SORCS1: variants seen among roughly 807,000 people sequenced by gnomAD.
The protein encoded by SORCS1 is VPS10 domain-containing receptor SorCS1.
Under a neutral mutation model 146.1 loss-of-function variants are expected in SORCS1, and 60 were observed. That is an observed-to-expected ratio of 0.41 (90% confidence interval 0.33 to 0.51). SORCS1 has a LOEUF of 0.51. Ranked by LOEUF, SORCS1 falls within the 20% of genes least tolerant of loss-of-function variation. The pLI, the probability that SORCS1 is intolerant of heterozygous loss-of-function variation, is 0.21. For missense variants in SORCS1, 1,352 were observed against 1,487.6 expected, an observed-to-expected ratio of 0.91 and a Z score of 1.50; for synonymous variants, 637 against 584.0, an observed-to-expected ratio of 1.09 and a Z score of -1.31.
chr10:107,027,845 G>A (rs1420103299), intron 1 of SORCS1, among the ~76,000 whole-genome samples: 4 of 152,180 alleles, frequency 2.6e-5, no homozygotes, highest in African/African-American at 7.2e-5. Context: ...CCCTACCACT[G>A]TATCACAATT....
intron 2 of SORCS1, among the ~76,000 whole-genome samples, chr10:106,871,787 T>A (rs1046704115): frequency 1.3e-5 from 2 of 152,076 alleles, no homozygotes; most frequent in Non-Finnish European, 2.9e-5. Flanking sequence ...AAACAACAAT[T>A]GCCTACTTGG....
At chr10:106,640,400 T>C (rs1325674229) in intron 18 of SORCS1, among the ~76,000 whole-genome samples, 1 of 152,250 alleles carries the variant, frequency 6.6e-6, no homozygotes, top group African/African-American at 2.4e-5. Flanking sequence ...TCAGTCTTTG[T>C]ATGTAAATTG....
chr10:107,035,290 A>G (rs977591264), intron 1 of SORCS1, among the ~76,000 whole-genome samples: 1 of 149,666 alleles, frequency 6.7e-6, no homozygotes. Flanking sequence ...AAAAAAAAAA[A>G]CACAGAAAAA....
intron 1 of SORCS1, among the ~76,000 whole-genome samples, chr10:107,115,011 A>G (rs1009657922): frequency 8.5e-5 from 13 of 152,100 alleles, no homozygotes; most frequent in African/African-American, 2.9e-4. Flanking sequence ...TTACAACAGC[A>G]TCAAAAATAA....
At chr10:106,591,516 A>G (rs190702823) in intron 24 of SORCS1, among the ~76,000 whole-genome samples, 1 of 152,340 alleles carries the variant, frequency 6.6e-6, no homozygotes, top group Non-Finnish European at 1.5e-5. Context: ...CGGGAATGGG[A>G]TTTTGAATAT....
intron 23 of SORCS1, chr10:106,600,576 A>G: frequency 1.0e-6 from 1 of 985,398 alleles, no homozygotes; most frequent in Non-Finnish European, 1.2e-6. Flanking sequence ...TTTTTTCAAA[A>G]GATTACAAGT....
At chr10:106,940,691 C>T (rs770230115) in intron 2 of SORCS1, among the ~76,000 whole-genome samples, 1 of 152,152 alleles carries the variant, frequency 6.6e-6, no homozygotes, top group Non-Finnish European at 1.5e-5. Context: ...CCAGACCAAC[C>T]TGGCCAACAT....
intron 2 of SORCS1, among the ~76,000 whole-genome samples, chr10:106,885,924 T>C (rs1950982762): frequency 6.6e-6 from 1 of 152,132 alleles, no homozygotes; most frequent in African/African-American, 2.4e-5. Flanking sequence ...CCTTCCCCCA[T>C]GATTGTGAGG....
intron 1 of SORCS1, among the ~76,000 whole-genome samples, chr10:107,136,847 C>T (rs1010695915): frequency 5.3e-5 from 8 of 152,252 alleles, no homozygotes; most frequent in African/African-American, 1.9e-4. Flanking sequence ...CTGCACTCCA[C>T]CAGAACTCCC....
At chr10:106,605,970 A>T (rs922635651) in intron 23 of SORCS1, among the ~76,000 whole-genome samples, 2 of 152,228 alleles carry the variant, frequency 1.3e-5, no homozygotes, top group African/African-American at 4.8e-5. Flanking sequence ...TTATGGGTTT[A>T]GTAAACAGAA....
At chr10:107,120,604 T>A (rs1272361412) in intron 1 of SORCS1, among the ~76,000 whole-genome samples, 1 of 152,100 alleles carries the variant, frequency 6.6e-6, no homozygotes, top group Non-Finnish European at 1.5e-5. Context: ...AAGTAGGCAA[T>A]CTCATAATGC....
chr10:106,893,751 G>A (rs1001671702), intron 2 of SORCS1, among the ~76,000 whole-genome samples: 1 of 152,126 alleles, frequency 6.6e-6, no homozygotes, highest in Non-Finnish European at 1.5e-5. Context: ...GAGAAAGAGT[G>A]GAGTTCAGCT....
chr10:106,642,028 A>C (rs1471138109), intron 18 of SORCS1, among the ~76,000 whole-genome samples: 1 of 152,220 alleles, frequency 6.6e-6, no homozygotes, highest in Non-Finnish European at 1.5e-5. Flanking sequence ...CAAATAAATA[A>C]ATACAAACAT....
intron 2 of SORCS1, among the ~76,000 whole-genome samples, chr10:106,951,806 T>C (rs1483151828): frequency 6.6e-6 from 1 of 152,228 alleles, no homozygotes; most frequent in Non-Finnish European, 1.5e-5. Flanking sequence ...GTCTAAGACT[T>C]GCCTGAGGTC....
intron 8 of SORCS1, among the ~76,000 whole-genome samples, chr10:106,703,541 T>C (rs1854285462): frequency 6.6e-6 from 1 of 152,234 alleles, no homozygotes; most frequent in South Asian, 2.1e-4. Context: ...ATGGCAATAT[T>C]AAAATCTCCC....
intron 1 of SORCS1, among the ~76,000 whole-genome samples, chr10:107,132,159 T>C (rs1966904581): frequency 6.6e-6 from 1 of 152,008 alleles, no homozygotes; most frequent in African/African-American, 2.4e-5. Flanking sequence ...CCCCTCTTCT[T>C]TCTCTTTTCT....
chr10:106,980,260 T>TTTAC (rs1227252712), intron 1 of SORCS1, among the ~76,000 whole-genome samples: 2 of 152,222 alleles, frequency 1.3e-5, no homozygotes, highest in East Asian at 3.8e-4. Flanking sequence ...GGAACAAACA[T>TTTAC]GTAATAATTG....
At chr10:106,918,445 G>A (rs1952549769) in intron 2 of SORCS1, among the ~76,000 whole-genome samples, 1 of 152,158 alleles carries the variant, frequency 6.6e-6, no homozygotes. Context: ...TTACAGGCAT[G>A]AGCCACCGTG....
intron 1 of SORCS1, among the ~76,000 whole-genome samples, chr10:107,126,951 T>C (rs1451859302): frequency 2.0e-5 from 3 of 152,142 alleles, no homozygotes; most frequent in Non-Finnish European, 4.4e-5. Context: ...GGGAACAGCA[T>C]ACAACTTAGC....
Sources: allele counts gnomAD v4.1 joint callset (sites outside exome capture counted in the v4.1 genomes callset), GRCh38; gene constraint gnomAD v4.1.1; transcripts MANE v1.5; gene names NCBI Gene and HGNC (gene_info 2026-07-23, HGNC 2026-07-21).